Variants in TMEM132D observed in about 807,000 individuals in gnomAD.
The protein encoded by TMEM132D is mature OL transmembrane protein.
TMEM132D carries 21 observed loss-of-function variants against 62.3 expected under a neutral mutation model. The observed-to-expected ratio is 0.34, with a 90% CI of 0.24 to 0.49. The LOEUF is 0.49. Among genes scored for constraint, TMEM132D ranks in the 20% least tolerant of loss-of-function variants. TMEM132D has a pLI of 0.99. For missense variants in TMEM132D, 1,346 were observed against 1,402.8 expected (o/e 0.96, Z 0.65); for synonymous variants, 621 against 575.6 (o/e 1.08, Z -1.13).
chr12:129,541,128 G>T (rs2137097759), intron 2 of TMEM132D, among the ~76,000 whole-genome samples: 1 of 152,328 alleles, frequency 6.6e-6, no homozygotes, highest in East Asian at 1.9e-4. Flanking sequence ...AGGTCAGAGG[G>T]CTCAGTGTAA....
At chr12:129,414,339 A>C (rs60399815) in intron 3 of TMEM132D, among the ~76,000 whole-genome samples, 5,758 of 152,306 alleles carry the variant, frequency 0.038, 376 homozygotes, top group African/African-American at 0.13. Flanking sequence ...AAAATGAATT[A>C]ATTTCAAAGT....
intron 3 of TMEM132D, among the ~76,000 whole-genome samples, chr12:129,339,510 G>A (rs1869400221): frequency 6.7e-6 from 1 of 149,294 alleles, no homozygotes; most frequent in South Asian, 2.1e-4. Context: ...AAAGAAAGTG[G>A]TTTAATTCTT....
intron 3 of TMEM132D, among the ~76,000 whole-genome samples, chr12:129,355,845 A>G (rs1315964995): frequency 3.9e-5 from 6 of 152,174 alleles, no homozygotes; most frequent in Admixed American, 2.0e-4. Flanking sequence ...AGTGCCTGAG[A>G]GTTCCTGGCC....
chr12:129,396,873 A>C (rs1161925781), intron 3 of TMEM132D, among the ~76,000 whole-genome samples: 2 of 152,210 alleles, frequency 1.3e-5, no homozygotes, highest in African/African-American at 4.8e-5. Context: ...ATCTATGCCT[A>C]TCTTGCCTAT....
chr12:129,459,555 C>G (rs1873590649), intron 3 of TMEM132D, among the ~76,000 whole-genome samples: 2 of 152,052 alleles, frequency 1.3e-5, no homozygotes. Context: ...AAAAGTGTGC[C>G]AAGAGGAATT....
chr12:129,523,212 T>C (rs1186672678), intron 3 of TMEM132D, among the ~76,000 whole-genome samples: 1 of 152,228 alleles, frequency 6.6e-6, no homozygotes, highest in Non-Finnish European at 1.5e-5. Context: ...TGGAATGTCA[T>C]GTGTCACTTT....
Position 129,084,648 on chromosome 12 carries a change from C to G in TMEM132D, c.1498G>C (p.Val500Leu), listed in dbSNP as rs2135619918. The G allele has an allele frequency of 6.2e-7, 1 of 1,614,138 alleles. No individual in the cohort carries two copies. Among genetic ancestry groups the G allele is most frequent in the Non-Finnish European group, 8.5e-7 (1 of 1,180,028 alleles). The change falls in exon 6 of 9, where the codon GTC becomes CTC. Residue 500 changes from valine (V) to leucine (L), a missense_variant. Val to Leu is a conservative substitution (Grantham distance 32, BLOSUM62 1). Coordinates refer to ENST00000422113, the MANE Select transcript of TMEM132D (RefSeq NM_133448.3). Reference sequence around the variant, plus strand: ...TAGGTGAAGTTCACCACCACGTTGACCTTGCCTTTCATTTCTTTCCCATTG... The same window carrying G: ...TAGGTGAAGTTCACCACCACGTTGAGCTTGCCTTTCATTTCTTTCCCATTG... ...FVNGKEMKGK[V>L]NVVVNFTYQH...
At chr12:129,319,245 C>T (rs1868597056) in intron 4 of TMEM132D, among the ~76,000 whole-genome samples, 1 of 152,220 alleles carries the variant, frequency 6.6e-6, no homozygotes, top group Admixed American at 6.5e-5. Flanking sequence ...CAGGAATGGG[C>T]TGCTTGGGGA....
At chr12:129,259,699 G>A (rs551488730) in intron 4 of TMEM132D, among the ~76,000 whole-genome samples, 1 of 152,294 alleles carries the variant, frequency 6.6e-6, no homozygotes, top group South Asian at 2.1e-4. Flanking sequence ...AGACTAAATT[G>A]GCAGCTGTGA....
intron 4 of TMEM132D, among the ~76,000 whole-genome samples, chr12:129,320,035 G>A (rs1868632375): frequency 6.6e-6 from 1 of 152,162 alleles, no homozygotes; most frequent in African/African-American, 2.4e-5. Context: ...ATGTAGCTGA[G>A]GACCAGGCTG....
chr12:129,237,001 T>G (rs1362659934), intron 4 of TMEM132D, among the ~76,000 whole-genome samples: 1 of 152,226 alleles, frequency 6.6e-6, no homozygotes, highest in Admixed American at 6.5e-5. Flanking sequence ...TTTTTATTCT[T>G]CATTCTGTTA....
chr12:129,494,992 C>A (rs925031192), intron 3 of TMEM132D, among the ~76,000 whole-genome samples: 2 of 152,250 alleles, frequency 1.3e-5, no homozygotes, highest in Middle Eastern at 3.4e-3. Flanking sequence ...CAGGCACATA[C>A]GCTTGGTGTT....
Position 129,827,045 on chromosome 12 carries a change from T to C in TMEM132D, c.79+76216A>G, listed in dbSNP as rs1016394449. On this transcript the variant is annotated intron_variant, in intron 1 of 8. Coordinates refer to ENST00000422113, the MANE Select transcript of TMEM132D (RefSeq NM_133448.3). This position sits in a 1 kb window ranked among gnomAD's most constrained non-coding sequence, Gnocchi z 9.7. ...CTAAAAATTACACCATAATGAAATA[T>C]GCAAAATACTAAATTATGAATTGAT... Among the ~76,000 whole-genome samples, 7 of 152,224 alleles carry C rather than the reference T, an allele frequency of 4.6e-5. No homozygotes were observed. The highest frequency in any genetic ancestry group is 2.4e-5 in the African/African-American group (1 of 41,454).
At chr12:129,468,379 T>C (rs558244271) in intron 3 of TMEM132D, among the ~76,000 whole-genome samples, 9 of 152,312 alleles carry the variant, frequency 5.9e-5, no homozygotes, top group African/African-American at 2.2e-4. Flanking sequence ...ACATTCCTAA[T>C]TTCTTTCCCT....
At chr12:129,147,771 C>T (rs1876954378) in intron 5 of TMEM132D, among the ~76,000 whole-genome samples, 2 of 152,212 alleles carry the variant, frequency 1.3e-5, no homozygotes, top group Admixed American at 1.3e-4. Flanking sequence ...TATGTCCACT[C>T]TGTAGTTGCT....
At chr12:129,783,990 C>T (rs1446684894) in intron 1 of TMEM132D, among the ~76,000 whole-genome samples, 2 of 152,196 alleles carry the variant, frequency 1.3e-5, no homozygotes, top group African/African-American at 4.8e-5. Context: ...GTTCCCTCTT[C>T]CAGCATTGAA....
intron 2 of TMEM132D, among the ~76,000 whole-genome samples, chr12:129,610,840 G>A (rs909003824): frequency 1.3e-5 from 2 of 152,114 alleles, no homozygotes; most frequent in Non-Finnish European, 2.9e-5. Flanking sequence ...TAATCGCAGG[G>A]ATTTACAGGG....
At position 129,576,662 on chromosome 12, in the gene TMEM132D, G is replaced by A. The variant is rs145209314; in HGVS notation, c.969-45457C>T. On this transcript the variant is annotated intron_variant, in intron 2 of 8. Coordinates refer to ENST00000422113, the MANE Select transcript of TMEM132D (RefSeq NM_133448.3). Reference sequence around the variant, plus strand: ...TTGAAACAGCTCAGAGGTTAGGGGTGCCAACCCAAACTCCCCACATTCAAA... The same window carrying A: ...TTGAAACAGCTCAGAGGTTAGGGGTACCAACCCAAACTCCCCACATTCAAA... Among the ~76,000 whole-genome samples, 72 of 151,766 alleles carry A rather than the reference G, an allele frequency of 4.7e-4. 1 individual carries two copies. The highest frequency in any genetic ancestry group is 1.7e-3 in the African/African-American group (71 of 41,174).
At chr12:129,307,909 CCTAA>C (rs1221164863) in intron 4 of TMEM132D, among the ~76,000 whole-genome samples, 4 of 152,170 alleles carry the variant, frequency 2.6e-5, no homozygotes, top group African/African-American at 9.7e-5. Flanking sequence ...TCCCCCACAT[CCTAA>C]CTATTACACT....
Sources: gnomAD v4.1 joint callset for allele counts (sites outside exome capture counted in the v4.1 genomes callset) on GRCh38, gnomAD v4.1.1 for gene constraint, Gnocchi (gnomAD v3.1) non-coding constraint, MANE v1.5 for transcripts, NCBI Gene and HGNC (gene_info 2026-07-23, HGNC 2026-07-21) for gene names.